Variants in HOXA6 observed in about 807,000 individuals in gnomAD.
HOXA6 encodes homeobox protein Hox-A6.
A neutral mutation model predicts 23.2 loss-of-function variants in HOXA6; 19 were observed. The observed-to-expected ratio is 0.82, with a 90% CI of 0.57 to 1.20. HOXA6 has a LOEUF of 1.20. Among genes scored for constraint, HOXA6 ranks in the 50% most tolerant of loss-of-function variants. The probability of loss-of-function intolerance (pLI) is 0.00; values close to 1 mark genes in which losing one functional copy is unlikely to be tolerated. For synonymous variants in HOXA6, 140 were observed against 132.6 expected, an observed-to-expected ratio of 1.06 and a Z score of -0.38; for missense variants, 346 against 313.6, an observed-to-expected ratio of 1.10 and a Z score of -0.78.
chr7:27,146,525 C>G (rs1263643805), intron 1 of HOXA6, among the ~76,000 whole-genome samples: 1 of 152,196 alleles, frequency 6.6e-6, no homozygotes. Flanking sequence ...CCGCATTAGG[C>G]TCTGTCCTAG....
chr7:27,147,568 G>A lies in HOXA6; in HGVS notation c.182C>T (p.Ser61Phe). The change falls in exon 1 of 2, where the codon TCC (serine) becomes TTC (phenylalanine). Residue 61 changes from serine (S) to phenylalanine (F), a missense_variant. Physicochemically the swap from Ser to Phe is radical, Grantham distance 155. Coordinates refer to ENST00000222728, the MANE Select transcript of HOXA6 (RefSeq NM_024014.4). ...CCGGTTGCAGGCCAGGACCGAGTTG[G>A]ACTGTTGGTAGAAACAAGGTGAGGT... ...TYTSPCFYQQ[S>F]NSVLACNRAS... is the part of the protein sequence containing the mutation. The A allele has an allele frequency of 6.2e-7, 1 of 1,614,240 alleles. No individual in the cohort carries two copies. Among genetic ancestry groups the A allele is most frequent in the Non-Finnish European group, 8.5e-7 (1 of 1,180,046 alleles).
At chr7:27,147,208 TTCTTTCTCTCTATTCC>T (rs1245385193) in intron 1 of HOXA6, 84 bp downstream of exon 1, 19 of 1,212,522 alleles carry the variant, frequency 1.6e-5, no homozygotes, top group Non-Finnish European at 2.1e-5. Flanking sequence ...CTTTCATCCT[TTCTTTCTCTCTATTCC>T]TCTTTCTACT....
Position 27,145,931 on chromosome 7 carries a change from CG to C in HOXA6, c.443-15del, listed in dbSNP as rs1277427044. 5.0e-6 allele frequency: 8 copies of C among 1,607,714 alleles called. No individual in the cohort carries two copies. In the African/African-American group the frequency reaches 5.3e-5, roughly 11 times the overall value. ...CATACACAGCACCTACGAGCAGAAA[CG>C]GCCGGGCGCCGGTAAGCCAGGGCCT... On this transcript the variant is annotated splice_polypyrimidine_tract_variant and intron_variant, in intron 1 of 1. Coordinates refer to ENST00000222728, the MANE Select transcript of HOXA6 (RefSeq NM_024014.4).
chr7:27,146,253 G>GTA (rs1422952112), intron 1 of HOXA6, among the ~76,000 whole-genome samples: 1 of 83,492 alleles, frequency 1.2e-5, no homozygotes, highest in Non-Finnish European at 2.6e-5. Flanking sequence ...GTGTGTGTTT[G>GTA]TGTGTGTGTG....
Position 27,147,589 on chromosome 7 carries a change from G to A in HOXA6, c.161C>T (p.Ser54Leu). The A allele has an allele frequency of 6.2e-7, 1 of 1,614,262 alleles. No individual in the cohort carries two copies. The change falls in exon 1 of 2, where the codon TCA becomes TTA. Residue 54 changes from serine to leucine, a missense_variant. Physicochemically the swap from Ser to Leu is moderately radical, Grantham distance 145. Transcript: ENST00000222728. ...ASSLPDKTYT[S>L]PCFYQQSNSV... ...GTTGGACTGTTGGTAGAAACAAGGT[G>A]AGGTGTACGTCTTGTCCGGGAGACT...
rs1030886905 is a variant in HOXA6, at chr7:27,145,471, T to G, written c.*187A>C. 1 of 735,808 alleles carries G rather than the reference T, an allele frequency of 1.4e-6. No individual in the cohort carries two copies. The highest frequency in any genetic ancestry group is 2.2e-6 in the Non-Finnish European group (1 of 449,364). The allele number at this position is 735,808 out of a possible 1,614,324, so 45.6% of individuals were successfully genotyped here. ...GGTTTTGTTTTGTTTTGTTTTGTTT[T>G]GTTTTGTTTTGTTTTGTTTTGTTTT... On this transcript the variant is annotated 3_prime_UTR_variant, in exon 2 of 2. Transcript: ENST00000222728.
Position 27,147,198 on chromosome 7 carries a change from C to T in HOXA6, c.442+110G>A, listed in dbSNP as rs1010480724. 3.5e-6 allele frequency: 4 copies of T among 1,127,606 alleles called. No homozygotes were observed. The Admixed American group carries it at 7.6e-5, about 21-fold the overall frequency. The allele number at this position is 1,127,606 out of a possible 1,614,324, so 69.9% of individuals were successfully genotyped here. A position where few individuals can be genotyped will look rare whatever the true frequency, so the allele number is the denominator to read the frequency against. The stretch of plus-strand genomic sequence containing the variant: ...AGAAGCCAAAGAAACTTTGCTGGTT[C>T]TTTCATCCTTTCTTTCTCTCTATTC... On this transcript the variant is annotated intron_variant, in intron 1 of 1. Transcript: ENST00000222728.
intron 1 of HOXA6, 131 bp downstream of exon 1, chr7:27,147,177 G>T: frequency 1.1e-6 from 1 of 951,910 alleles, no homozygotes; most frequent in Non-Finnish European, 1.5e-6. Context: ...CTTTTAAGAA[G>T]CCAAAGAAAC....
chr7:27,146,071 G>A lies in HOXA6; in HGVS notation c.443-154C>T, dbSNP rs1341853150. Among the ~76,000 whole-genome samples the A allele has an allele frequency of 5.3e-5, 8 of 152,302 alleles. No individual in the cohort carries two copies. In the East Asian group the frequency reaches 1.3e-3, roughly 26 times the overall value. On this transcript the variant is annotated intron_variant, in intron 1 of 1. Coordinates refer to ENST00000222728, the MANE Select transcript of HOXA6 (RefSeq NM_024014.4). Reference sequence around the variant, plus strand: ...GTCTGGGGCCCAAAGCATACTGAATGGGAGATTATTTCATACCAAGCGAGA... The same window carrying A: ...GTCTGGGGCCCAAAGCATACTGAATAGGAGATTATTTCATACCAAGCGAGA...
chr7:27,146,265 G>GTA (rs1463710712), intron 1 of HOXA6, among the ~76,000 whole-genome samples: 1 of 151,804 alleles, frequency 6.6e-6, no homozygotes, highest in Non-Finnish European at 1.5e-5. Context: ...GTGTGTGTGT[G>GTA]TGTGTGTGTC....
chr7:27,147,139 G>A, intron 1 of HOXA6, 169 bp downstream of exon 1: 2 of 689,006 alleles, frequency 2.9e-6, no homozygotes, highest in Non-Finnish European at 2.4e-6. Context: ...TGGCCTGATA[G>A]CCCCATTGGG....
rs1782810375 is a variant in HOXA6 at position 27,147,452 on chromosome 7, C to CG, written c.297dup (p.Gly100ArgfsTer26). Reference sequence around the variant, plus strand: ...TCGGGAGAAAAGTGCAGGTAGTCCCCGGGGCCCCTCTGCTTGCCACTGCCC... The same window carrying CG: ...TCGGGAGAAAAGTGCAGGTAGTCCCCGGGGGCCCCTCTGCTTGCCACTGCCC... On this transcript the variant is annotated frameshift_variant, in exon 1 of 2. Coordinates refer to ENST00000222728, the MANE Select transcript of HOXA6 (RefSeq NM_024014.4). LOFTEE classifies it high-confidence loss of function. The CG allele has an allele frequency of 6.2e-7, 1 of 1,614,078 alleles. No homozygotes were observed. The highest frequency in any genetic ancestry group is 8.5e-7 in the Non-Finnish European group (1 of 1,180,036).
chr7:27,145,884 C>T lies in HOXA6; in HGVS notation c.476G>A (p.Arg159His), dbSNP rs762684090. 2.5e-6 allele frequency: 4 copies of T among 1,613,108 alleles called. No individual in the cohort carries two copies. Among genetic ancestry groups the T allele is most frequent in the Non-Finnish European group, 3.4e-6 (4 of 1,179,648 alleles). Residue 159 changes from arginine (R) to histidine (H), a missense_variant, in exon 2 of 2, where the codon CGC becomes CAC. By Grantham distance (29) the Arg-to-His change is conservative. Coordinates refer to ENST00000222728, the MANE Select transcript of HOXA6 (RefSeq NM_024014.4). ...AVYGSHGRRG[R>H]QTYTRYQTLE... ...TGTCTGGTAGCGCGTGTAGGTCTGG[C>T]GGCCTCGGCGCCCATGGCTCCCATA...
At chr7:27,146,538 A>G (rs1025557512) in intron 1 of HOXA6, among the ~76,000 whole-genome samples, 1 of 152,168 alleles carries the variant, frequency 6.6e-6, no homozygotes, top group African/African-American at 2.4e-5. Flanking sequence ...TGTCCTAGGG[A>G]ATTCCTAGGA....
Position 27,145,690 on chromosome 7 carries a change from C to T in HOXA6, c.670G>A (p.Gly224Arg). 6.2e-7 allele frequency: 1 copy of T among 1,614,154 alleles called. No individual in the cohort carries two copies. Among genetic ancestry groups the T allele is most frequent in the Non-Finnish European group, 8.5e-7 (1 of 1,180,028 alleles). Residue 224 changes from glycine (G) to arginine (R), a missense_variant, in exon 2 of 2, where the codon GGG becomes AGG. Physicochemically the swap from Gly to Arg is moderately radical, Grantham distance 125. Transcript: ENST00000222728. ...NKLINSTQPSGEDSEAKAGE is the reference protein window; with the variant it reads ...NKLINSTQPSREDSEAKAGE ...CCCGCCTTTGCCTCTGAGTCCTCCC[C>T]GCTGGGCTGCGTGGAATTGATGAGC... is the stretch of plus-strand genomic sequence containing the variant.
At chr7:27,147,198 C>G in intron 1 of HOXA6, 110 bp downstream of exon 1, 3 of 1,127,608 alleles carry the variant, frequency 2.7e-6, no homozygotes, top group African/African-American at 1.6e-5. Context: ...TTTGCTGGTT[C>G]TTTCATCCTT....
In HOXA6 at chr7:27,145,426, C is replaced by T. The variant is rs1479426160; in HGVS notation, c.*232G>A. ...GTGTGCAGTGCGCCCCGCTCCACCG[C>T]TGGTATTGGCTGTGTGTGAGGTTTT... On this transcript the variant is annotated 3_prime_UTR_variant, in exon 2 of 2. Coordinates refer to ENST00000222728, the MANE Select transcript of HOXA6 (RefSeq NM_024014.4). 5 of 634,472 alleles carry T rather than the reference C, an allele frequency of 7.9e-6. No homozygotes were observed. The highest frequency in any genetic ancestry group is 1.3e-5 in the Non-Finnish European group (5 of 373,992). 39.3% of individuals were successfully genotyped at this position (634,472 alleles called of 1,614,324 possible). A position where few individuals can be genotyped will look rare whatever the true frequency, so the allele number is the denominator to read the frequency against.
At position 27,145,913 on chromosome 7, in the gene HOXA6, A is replaced by T; in HGVS notation, c.447T>A (p.Ala149=). 1.2e-6 allele frequency: 2 copies of T among 1,612,252 alleles called. No individual in the cohort carries two copies. Among genetic ancestry groups the T allele is most frequent in the Non-Finnish European group, 8.5e-7 (1 of 1,179,082 alleles). ...CTCGGCGCCCATGGCTCCCATACAC[A>T]GCACCTACGAGCAGAAACGGCCGGG... ...WMQRMNSCAG[A]VYGSHGRRGR... The change falls in exon 2 of 2, where the codon GCT becomes GCA. Residue 149 remains alanine (A), a synonymous_variant. Transcript: ENST00000222728.
Position 27,147,291 on chromosome 7 carries a change from CTT to C in HOXA6, c.442+15_442+16del. The C allele has an allele frequency of 6.2e-7, 1 of 1,608,348 alleles. No individual in the cohort carries two copies. Among genetic ancestry groups the C allele is most frequent in the Non-Finnish European group, 8.5e-7 (1 of 1,176,680 alleles). ...CTCCTTTCCCCTCTCCCTCCACTGT[CTT>C]GGGATATGTCTTACCCGCGCAGGAG... On this transcript the variant is annotated intron_variant, in intron 1 of 1. Transcript: ENST00000222728.
Sources: allele counts gnomAD v4.1 joint callset (sites outside exome capture counted in the v4.1 genomes callset), GRCh38; gene constraint gnomAD v4.1.1; transcripts MANE v1.5; gene names NCBI Gene and HGNC (gene_info 2026-07-23, HGNC 2026-07-21).